SLC24A3: variants seen among roughly 807,000 people sequenced by gnomAD.
SLC24A3 encodes solute carrier family 24 member 3, also known as sodium/potassium/calcium exchanger 3.
In SLC24A3, 28 loss-of-function variants were observed where a neutral mutation model predicts 75.8. The ratio of observed to expected loss-of-function variants is 0.37; its 90% CI spans 0.27 to 0.51. SLC24A3 has a LOEUF of 0.51. Ranked by LOEUF, SLC24A3 falls within the 20% of genes least tolerant of loss-of-function variation. The probability of loss-of-function intolerance (pLI) is 0.94; values close to 1 mark genes in which losing one functional copy is unlikely to be tolerated. For missense variants in SLC24A3, 663 were observed against 847.8 expected (o/e 0.78, Z 2.71); for synonymous variants, 372 against 334.1 (o/e 1.11, Z -1.24).
rs528534825 is a variant in SLC24A3, at chr20:19,337,928, G to T, written c.271+56841G>T. Reference sequence around the variant, plus strand: ...ACTTGTTCATAGGGTGGTGGCAGGGGTGGCACAGCATCACTTCCTTCAATT... The same window carrying T: ...ACTTGTTCATAGGGTGGTGGCAGGGTTGGCACAGCATCACTTCCTTCAATT... On this transcript the variant is annotated intron_variant, in intron 2 of 16. Transcript: ENST00000328041. Among the ~76,000 whole-genome samples the T allele has an allele frequency of 1.7e-4, 26 of 152,244 alleles. No individual in the cohort carries two copies. In the South Asian group the frequency reaches 2.1e-3, roughly 12 times the overall value.
intron 2 of SLC24A3, among the ~76,000 whole-genome samples, chr20:19,503,646 G>T (rs2294898): frequency 0.11 from 17,294 of 152,204 alleles, 1,063 homozygotes; most frequent in Middle Eastern, 0.13. Flanking sequence ...GGCCAGAGGT[G>T]GCCAGGACCA....
At chr20:19,654,578 T>C (rs1247820886) in intron 7 of SLC24A3, among the ~76,000 whole-genome samples, 1 of 150,280 alleles carries the variant, frequency 6.7e-6, no homozygotes, top group Non-Finnish European at 1.5e-5. Flanking sequence ...GGTCCAGTGG[T>C]GGATAAAGAA....
At chr20:19,492,578 C>G (rs559457680) in intron 2 of SLC24A3, among the ~76,000 whole-genome samples, 1 of 152,278 alleles carries the variant, frequency 6.6e-6, no homozygotes, top group East Asian at 1.9e-4. Flanking sequence ...GGACCTTTAG[C>G]CTTTTACTCC....
intron 2 of SLC24A3, among the ~76,000 whole-genome samples, chr20:19,292,699 G>A (rs1983970006): frequency 6.6e-6 from 1 of 152,198 alleles, no homozygotes; most frequent in South Asian, 2.1e-4. Flanking sequence ...GGAAAGGAGG[G>A]TTTGATCTGC....
intron 2 of SLC24A3, among the ~76,000 whole-genome samples, chr20:19,390,811 C>T (rs1040999204): frequency 6.6e-6 from 1 of 152,068 alleles, no homozygotes; most frequent in Admixed American, 6.6e-5. Flanking sequence ...GGGACTGACA[C>T]TGAGCCTGGG....
Position 19,212,942 on chromosome 20 carries a change from G to T in SLC24A3, c.100G>T (p.Ala34Ser). 7.4e-7 allele frequency: 1 copy of T among 1,349,412 alleles called. No individual in the cohort carries two copies. Among genetic ancestry groups the T allele is most frequent in the Non-Finnish European group, 9.5e-7 (1 of 1,048,716 alleles). 83.6% of individuals were successfully genotyped at this position (1,349,412 alleles called of 1,614,324 possible). The change falls in exon 1 of 17, where the codon GCG becomes TCG. Residue 34 changes from alanine (A) to serine (S), a missense_variant. Physicochemically the swap from Ala to Ser is moderately conservative, Grantham distance 99 (BLOSUM62 1). This residue lies in a region of SLC24A3 where 153 missense variants were observed against 144.2 expected (regional missense o/e 1.06). Coordinates refer to ENST00000328041, the MANE Select transcript of SLC24A3 (RefSeq NM_020689.4). ...CCAGCTCTGCTTCCTGGCCTCGGTGGCGCTGCTGCTCTGGTCGCTGTCGAG... is the reference window on the plus strand; with the variant it reads ...CCAGCTCTGCTTCCTGGCCTCGGTGTCGCTGCTGCTCTGGTCGCTGTCGAG... ...LSQLCFLASV[A>S]LLLWSLSSLR...
chr20:19,647,978 A>C (rs2032158464), intron 6 of SLC24A3, among the ~76,000 whole-genome samples: 1 of 152,222 alleles, frequency 6.6e-6, no homozygotes. Context: ...ATTAATAAGC[A>C]GCAGTTCACT....
chr20:19,428,659 G>A lies in SLC24A3; in HGVS notation c.272-86829G>A, dbSNP rs186828111. 2.0e-3 allele frequency among the ~76,000 whole-genome samples: 301 copies of A among 152,244 alleles called. 1 individual carries two copies. Among genetic ancestry groups the A allele is most frequent in the African/African-American group, 6.5e-3 (271 of 41,528 alleles). On this transcript the variant is annotated intron_variant, in intron 2 of 16. Coordinates refer to ENST00000328041, the MANE Select transcript of SLC24A3 (RefSeq NM_020689.4). ...GCATGGACCATCCTTAATCCTCATC[G>A]GGGAGGCAGAAGAGAAGCAGCCCTA...
At chr20:19,662,946 T>A (rs987592671) in intron 7 of SLC24A3, among the ~76,000 whole-genome samples, 2 of 152,184 alleles carry the variant, frequency 1.3e-5, no homozygotes, top group African/African-American at 4.8e-5. Context: ...GCGCCAGTCC[T>A]AATTTCCAGT....
intron 2 of SLC24A3, among the ~76,000 whole-genome samples, chr20:19,295,961 A>G (rs907258650): frequency 6.6e-6 from 1 of 152,148 alleles, no homozygotes; most frequent in African/African-American, 2.4e-5. Context: ...CCTCTGGTAG[A>G]ATTCAGCTAT....
At chr20:19,421,352 AAAAC>A (rs1338687310) in intron 2 of SLC24A3, among the ~76,000 whole-genome samples, 24 of 146,298 alleles carry the variant, frequency 1.6e-4, no homozygotes, top group African/African-American at 5.4e-4. Flanking sequence ...TTACAAGAAA[AAAAC>A]AAACAACCCC....
intron 2 of SLC24A3, among the ~76,000 whole-genome samples, chr20:19,291,985 C>T (rs1211345523): frequency 1.3e-5 from 2 of 152,174 alleles, no homozygotes; most frequent in Admixed American, 6.5e-5. Context: ...ATGAGGGAAC[C>T]TTTCAGATAG....
intron 2 of SLC24A3, among the ~76,000 whole-genome samples, chr20:19,322,185 G>T (rs1301590765): frequency 6.6e-6 from 1 of 152,056 alleles, no homozygotes; most frequent in African/African-American, 2.4e-5. Context: ...CTTTCCCTCT[G>T]TGGCTTTAGT....
intron 3 of SLC24A3, among the ~76,000 whole-genome samples, chr20:19,535,515 G>A (rs2030379588): frequency 6.6e-6 from 1 of 152,156 alleles, no homozygotes; most frequent in East Asian, 1.9e-4. Flanking sequence ...TGAGGCCTAG[G>A]CTTAAAACTG....
chr20:19,218,288 C>T (rs1216375671), intron 1 of SLC24A3, among the ~76,000 whole-genome samples: 1 of 152,202 alleles, frequency 6.6e-6, no homozygotes, highest in Non-Finnish European at 1.5e-5. Context: ...GAATTCTGCT[C>T]TCAGTCCAGC....
At chr20:19,658,927 C>T (rs2032295493) in intron 7 of SLC24A3, among the ~76,000 whole-genome samples, 1 of 152,212 alleles carries the variant, frequency 6.6e-6, no homozygotes, top group African/African-American at 2.4e-5. Context: ...AGCAGACGGA[C>T]AGTTTTTTGT....
chr20:19,448,731 C>G (rs1400986352), intron 2 of SLC24A3, among the ~76,000 whole-genome samples: 6 of 152,152 alleles, frequency 3.9e-5, no homozygotes, highest in Non-Finnish European at 8.8e-5. Flanking sequence ...CCCTGTTTTC[C>G]CCTTTGTATG....
chr20:19,268,444 A>G (rs1410818360), intron 1 of SLC24A3, among the ~76,000 whole-genome samples: 2 of 152,224 alleles, frequency 1.3e-5, no homozygotes, highest in East Asian at 3.8e-4. Flanking sequence ...TGAACATATT[A>G]TTCTACCATA....
chr20:19,478,320 A>G (rs1212817542), intron 2 of SLC24A3, among the ~76,000 whole-genome samples: 1 of 152,202 alleles, frequency 6.6e-6, no homozygotes. Context: ...AGAAGTGGCC[A>G]TCTGACCTGA....
Sources: allele counts gnomAD v4.1 joint callset (sites outside exome capture counted in the v4.1 genomes callset), GRCh38; gene constraint gnomAD v4.1.1; regional missense constraint gnomAD v4.1.1; transcripts MANE v1.5; gene names NCBI Gene and HGNC (gene_info 2026-07-23, HGNC 2026-07-21).